Variants in PRKCA observed in about 807,000 individuals in gnomAD.
PRKCA encodes protein kinase C alpha.
Under a neutral mutation model 87.0 loss-of-function variants are expected in PRKCA, and 27 were observed. The ratio of observed to expected loss-of-function variants is 0.31; its 90% CI spans 0.23 to 0.43. The LOEUF is 0.43. PRKCA is among the 20% of genes least tolerant of loss of function. The pLI is 1.00. For synonymous variants in PRKCA, 329 were observed against 311.1 expected (o/e 1.06, Z -0.61); for missense variants, 518 against 852.3 (o/e 0.61, Z 4.88).
chr17:66,459,319 T>A (rs1484559710), intron 2 of PRKCA, among the ~76,000 whole-genome samples: 1 of 152,170 alleles, frequency 6.6e-6, no homozygotes, highest in Non-Finnish European at 1.5e-5. Context: ...AAGTTGAGGC[T>A]GCACGGAGCC....
intron 3 of PRKCA, among the ~76,000 whole-genome samples, chr17:66,528,108 C>G (rs190665377): frequency 7.9e-4 from 120 of 151,500 alleles, no homozygotes; most frequent in Non-Finnish European, 1.4e-3. Context: ...AGCCCAGCTA[C>G]TCAGGAGGCT....
At chr17:66,441,501 G>A (rs1254881214) in intron 2 of PRKCA, among the ~76,000 whole-genome samples, 3 of 152,162 alleles carry the variant, frequency 2.0e-5, no homozygotes, top group African/African-American at 4.8e-5. Context: ...AACCCCATCT[G>A]TTTGCTCATG....
intron 5 of PRKCA, 86 bp from the exon 6 acceptor site, chr17:66,687,025 T>C: frequency 1.6e-6 from 2 of 1,239,028 alleles, no homozygotes; most frequent in Non-Finnish European, 2.2e-6. Flanking sequence ...TGACGTCTCT[T>C]TTATTCAGCT....
intron 14 of PRKCA, among the ~76,000 whole-genome samples, chr17:66,785,888 G>A (rs961087196): frequency 6.3e-4 from 96 of 152,190 alleles, no homozygotes; most frequent in Admixed American, 2.0e-3. Context: ...GAGTGCAGTG[G>A]TGCAATCTCA....
chr17:66,616,234 G>T (rs186313866), intron 3 of PRKCA, among the ~76,000 whole-genome samples: 1 of 152,272 alleles, frequency 6.6e-6, no homozygotes, highest in Admixed American at 6.5e-5. Context: ...ATGTCATGTG[G>T]AATTAGCTTA....
At chr17:66,348,732 G>A (rs576082293) in intron 2 of PRKCA, among the ~76,000 whole-genome samples, 52 of 152,278 alleles carry the variant, frequency 3.4e-4, no homozygotes, top group Non-Finnish European at 6.6e-4. Flanking sequence ...GCCTCTTAGA[G>A]CAGGCAGTTG....
intron 2 of PRKCA, among the ~76,000 whole-genome samples, chr17:66,427,032 A>T (rs1296830924): frequency 6.6e-6 from 1 of 152,048 alleles, no homozygotes; most frequent in African/African-American, 2.4e-5. Context: ...ACTTAAAAAA[A>T]AATTTTTTTT....
rs143170231 is a variant in PRKCA at position 66,567,784 on chromosome 17, T to C, written c.288+71501T>C. On this transcript the variant is annotated intron_variant, in intron 3 of 16. Coordinates refer to ENST00000413366, the MANE Select transcript of PRKCA (RefSeq NM_002737.3). ...ACCTGCGTTTGGGAAAACATCCTTA[T>C]TAGGTTTATTTAAGAACGATTTGAA... Among the ~76,000 whole-genome samples, 317 of 152,320 alleles carry C rather than the reference T, an allele frequency of 2.1e-3. 2 individuals are homozygous for C. Among genetic ancestry groups the C allele is most frequent in the African/African-American group, 7.2e-3 (300 of 41,576 alleles).
At chr17:66,628,633 A>G (rs1276509090) in intron 3 of PRKCA, among the ~76,000 whole-genome samples, 1 of 152,240 alleles carries the variant, frequency 6.6e-6, no homozygotes, top group African/African-American at 2.4e-5. Flanking sequence ...TGACCTAAAC[A>G]ATAGAAAATT....
chr17:66,309,462 T>A (rs768553898), intron 2 of PRKCA, among the ~76,000 whole-genome samples: 41 of 152,210 alleles, frequency 2.7e-4, no homozygotes, highest in Non-Finnish European at 4.6e-4. Flanking sequence ...TTCTTTATAT[T>A]GCAATATAGG....
intron 2 of PRKCA, among the ~76,000 whole-genome samples, chr17:66,375,939 CT>C (rs1478359855): frequency 7.9e-5 from 12 of 152,248 alleles, no homozygotes; most frequent in African/African-American, 2.9e-4. Flanking sequence ...GTGAAGATAA[CT>C]GAGGTCATGG....
At chr17:66,474,464 T>G (rs943804913) in intron 2 of PRKCA, among the ~76,000 whole-genome samples, 32 of 152,166 alleles carry the variant, frequency 2.1e-4, no homozygotes, top group African/African-American at 7.7e-4. Context: ...AAAAGCACAC[T>G]TTTAAGCTAC....
intron 3 of PRKCA, among the ~76,000 whole-genome samples, chr17:66,529,488 A>G (rs1967464999): frequency 6.6e-6 from 1 of 152,176 alleles, no homozygotes; most frequent in South Asian, 2.1e-4. Flanking sequence ...CTCACGGGCC[A>G]TCAAGCTTCC....
chr17:66,612,588 C>G (rs1970400330), intron 3 of PRKCA, among the ~76,000 whole-genome samples: 1 of 151,974 alleles, frequency 6.6e-6, no homozygotes, highest in Admixed American at 6.6e-5. Flanking sequence ...AGGATGGGTG[C>G]TAAGCCTGCT....
At chr17:66,602,639 T>C (rs969007774) in intron 3 of PRKCA, among the ~76,000 whole-genome samples, 12 of 152,200 alleles carry the variant, frequency 7.9e-5, no homozygotes, top group Middle Eastern at 3.2e-3. Flanking sequence ...AAAATATGTA[T>C]TATGAGGGAT....
chr17:66,317,262 G>A (rs1183879389), intron 2 of PRKCA, among the ~76,000 whole-genome samples: 1 of 152,106 alleles, frequency 6.6e-6, no homozygotes, highest in African/African-American at 2.4e-5. Context: ...GGCTAACCTC[G>A]GGCTGATGTG....
intron 2 of PRKCA, among the ~76,000 whole-genome samples, chr17:66,486,248 T>C (rs1915984515): frequency 6.6e-6 from 1 of 152,240 alleles, no homozygotes; most frequent in Admixed American, 6.5e-5. Flanking sequence ...ATGCTACAGG[T>C]ACTCAAGATT....
chr17:66,461,178 G>A (rs1423468373), intron 2 of PRKCA, among the ~76,000 whole-genome samples: 1 of 144,100 alleles, frequency 6.9e-6, no homozygotes, highest in South Asian at 2.2e-4. Context: ...TGCACTCCAG[G>A]CTGGGTGAAA....
chr17:66,422,113 C>A (rs1055119041), intron 2 of PRKCA, among the ~76,000 whole-genome samples: 6 of 151,958 alleles, frequency 3.9e-5, no homozygotes, highest in Admixed American at 2.0e-4. Context: ...CATAAAGATC[C>A]CAGTCCTACC....
Sources: allele counts gnomAD v4.1 joint callset (sites outside exome capture counted in the v4.1 genomes callset), GRCh38; gene constraint gnomAD v4.1.1; transcripts MANE v1.5; gene names NCBI Gene and HGNC (gene_info 2026-07-23, HGNC 2026-07-21).